TTC28: variants seen among roughly 807,000 people sequenced by gnomAD.
TTC28 encodes the protein tetratricopeptide repeat domain 28.
Under a neutral mutation model 198.0 loss-of-function variants are expected in TTC28, and 61 were observed. The ratio of observed to expected loss-of-function variants is 0.31; its 90% CI spans 0.25 to 0.38. The LOEUF is 0.38. Ranked by LOEUF, TTC28 falls within the 10% of genes least tolerant of loss-of-function variation. The pLI is 1.00. For synonymous variants in TTC28, 1,171 were observed against 1,297.8 expected (o/e 0.90, Z 2.10); for missense variants, 2,678 against 3,164.0 (o/e 0.85, Z 3.69).
chr22:28,670,956 T>G (rs1400015888), intron 1 of TTC28, among the ~76,000 whole-genome samples: 1 of 152,148 alleles, frequency 6.6e-6, no homozygotes, highest in African/African-American at 2.4e-5. Flanking sequence ...ACTAACGATG[T>G]TGCATACCTT....
chr22:28,297,523 T>C, intron 4 of TTC28, 57 bp downstream of exon 4: 6 of 1,516,052 alleles, frequency 4.0e-6, no homozygotes, highest in South Asian at 1.2e-5. Context: ...ATTCATGTCA[T>C]GTTACTCAGC....
intron 2 of TTC28, among the ~76,000 whole-genome samples, chr22:28,593,866 G>C (rs2050485987): frequency 1.3e-5 from 2 of 152,056 alleles, no homozygotes; most frequent in African/African-American, 2.4e-5. Flanking sequence ...TTAAATCCCT[G>C]TGCAATAGGT....
chr22:28,510,955 C>T (rs1260371404), intron 2 of TTC28, among the ~76,000 whole-genome samples: 3 of 151,826 alleles, frequency 2.0e-5, no homozygotes, highest in East Asian at 1.9e-4. Flanking sequence ...ACAAGAGAGG[C>T]GAAGGACCTC....
intron 5 of TTC28, among the ~76,000 whole-genome samples, chr22:28,189,560 A>C (rs1485940713): frequency 6.6e-6 from 1 of 151,590 alleles, no homozygotes; most frequent in Non-Finnish European, 1.5e-5. Flanking sequence ...ATTCTACGCA[A>C]TGAAAAAAAA....
At chr22:28,313,632 G>C (rs961776759) in intron 2 of TTC28, among the ~76,000 whole-genome samples, 1 of 151,994 alleles carries the variant, frequency 6.6e-6, no homozygotes, top group African/African-American at 2.4e-5. Flanking sequence ...TCTCAATAGA[G>C]GCACGAAAGG....
chr22:28,659,059 C>A (rs1401140035), intron 1 of TTC28, among the ~76,000 whole-genome samples: 2 of 152,094 alleles, frequency 1.3e-5, no homozygotes, highest in Admixed American at 6.6e-5. Flanking sequence ...AAGAAAACAG[C>A]AGGAAGGTGT....
chr22:28,235,065 T>C (rs1347775978), intron 5 of TTC28, among the ~76,000 whole-genome samples: 1 of 152,188 alleles, frequency 6.6e-6, no homozygotes, highest in Non-Finnish European at 1.5e-5. Flanking sequence ...AGCCCTCTCA[T>C]ATGGCAGTTG....
chr22:28,401,457 A>C (rs1367763393), intron 2 of TTC28, among the ~76,000 whole-genome samples: 1 of 152,022 alleles, frequency 6.6e-6, no homozygotes, highest in Non-Finnish European at 1.5e-5. Flanking sequence ...CTCTACTAAA[A>C]ATACAAAAAT....
At chr22:28,417,835 G>A (rs750021032) in intron 2 of TTC28, among the ~76,000 whole-genome samples, 1 of 152,180 alleles carries the variant, frequency 6.6e-6, no homozygotes, top group African/African-American at 2.4e-5. Context: ...GCCACTGTAT[G>A]AGTCTAAACC....
At chr22:28,250,873 T>G (rs2147273259) in intron 5 of TTC28, among the ~76,000 whole-genome samples, 1 of 152,292 alleles carries the variant, frequency 6.6e-6, no homozygotes, top group Admixed American at 6.5e-5. Context: ...GATGCAAGCC[T>G]AGAGATGCAG....
At chr22:28,082,330 G>C (rs1358741773) in intron 12 of TTC28, among the ~76,000 whole-genome samples, 1 of 152,046 alleles carries the variant, frequency 6.6e-6, no homozygotes, top group Non-Finnish European at 1.5e-5. Flanking sequence ...CCTTGTTCCT[G>C]GTCTTACATG....
At chr22:28,239,541 A>G (rs1176577663) in intron 5 of TTC28, among the ~76,000 whole-genome samples, 2 of 152,238 alleles carry the variant, frequency 1.3e-5, no homozygotes, top group Non-Finnish European at 2.9e-5. Context: ...GCTGCTAAAT[A>G]TCATAAAAGC....
At chr22:28,228,208 G>C (rs1475737871) in intron 5 of TTC28, among the ~76,000 whole-genome samples, 1 of 151,984 alleles carries the variant, frequency 6.6e-6, no homozygotes, top group Non-Finnish European at 1.5e-5. Context: ...ACAGGCTGAG[G>C]AGGAAAGGAG....
chr22:28,012,433 C>T (rs935020585), intron 14 of TTC28, among the ~76,000 whole-genome samples: 20 of 152,166 alleles, frequency 1.3e-4, no homozygotes, highest in Non-Finnish European at 1.9e-4. Context: ...ACCCGGCACT[C>T]GGAAGAGGTA....
intron 14 of TTC28, among the ~76,000 whole-genome samples, chr22:28,013,656 TGA>T (rs1443961376): frequency 6.6e-6 from 1 of 152,002 alleles, no homozygotes; most frequent in Non-Finnish European, 1.5e-5. Context: ...GATTCTAGGA[TGA>T]GAGGTGGGGA....
At chr22:28,310,389 T>C (rs1317888334) in intron 2 of TTC28, among the ~76,000 whole-genome samples, 1 of 152,204 alleles carries the variant, frequency 6.6e-6, no homozygotes, top group Admixed American at 6.5e-5. Flanking sequence ...TTTTACTAAA[T>C]GGCATTTCTC....
chr22:27,999,474 G>C (rs1937616010), intron 15 of TTC28: 1 of 703,406 alleles, frequency 1.4e-6, no homozygotes, highest in South Asian at 1.9e-5. Context: ...TGAGCCCTTG[G>C]AAACCATCAG....
chr22:28,519,760 T>C (rs2048863706), intron 2 of TTC28, among the ~76,000 whole-genome samples: 1 of 152,258 alleles, frequency 6.6e-6, no homozygotes, highest in Admixed American at 6.5e-5. Flanking sequence ...GCTGGACTCC[T>C]GCCTCCTTGT....
intron 12 of TTC28, among the ~76,000 whole-genome samples, chr22:28,080,203 A>G (rs1941296502): frequency 6.6e-6 from 1 of 152,202 alleles, no homozygotes; most frequent in Non-Finnish European, 1.5e-5. Flanking sequence ...TCTTTTGTGT[A>G]TACCCAGAAA....
Sources: allele counts gnomAD v4.1 joint callset (sites outside exome capture counted in the v4.1 genomes callset), GRCh38; gene constraint gnomAD v4.1.1; transcripts MANE v1.5; gene names NCBI Gene and HGNC (gene_info 2026-07-23, HGNC 2026-07-21).